The following ASAP2 variants were observed in gnomAD, a reference collection of about 807,000 sequenced individuals.
ASAP2 encodes arf-GAP with SH3 domain, ANK repeat and PH domain-containing protein 2.
Under a neutral mutation model 131.4 loss-of-function variants are expected in ASAP2, and 45 were observed. The observed-to-expected ratio is 0.34, with a 90% CI of 0.27 to 0.44. The LOEUF is 0.44. ASAP2 is among the 20% of genes least tolerant of loss of function. The pLI, the probability that ASAP2 is intolerant of heterozygous loss-of-function variation, is 1.00. For missense variants in ASAP2, 1,011 were observed against 1,297.0 expected (o/e 0.78, Z 3.39); for synonymous variants, 510 against 503.0 (o/e 1.01, Z -0.19).
At chr2:9,306,984 C>G (rs1668984179) in intron 3 of ASAP2, among the ~76,000 whole-genome samples, 1 of 152,140 alleles carries the variant, frequency 6.6e-6, no homozygotes, top group Non-Finnish European at 1.5e-5. Context: ...GTGTAGGAGC[C>G]CCAGGCAATA....
At chr2:9,391,740 ATT>A (rs33928425) in intron 23 of ASAP2, among the ~76,000 whole-genome samples, 34 of 128,456 alleles carry the variant, frequency 2.6e-4, no homozygotes, top group Admixed American at 7.6e-4. Flanking sequence ...ATGCTCAGCT[ATT>A]TTTTTTTTTT....
intron 24 of ASAP2, among the ~76,000 whole-genome samples, chr2:9,396,111 AG>A (rs1176762053): frequency 2.0e-5 from 3 of 152,062 alleles, no homozygotes; most frequent in African/African-American, 7.2e-5. Context: ...GCGAGATTCC[AG>A]GGGTTCAGGA....
At chr2:9,303,199 G>A (rs1447874315) in intron 3 of ASAP2, among the ~76,000 whole-genome samples, 3 of 152,198 alleles carry the variant, frequency 2.0e-5, no homozygotes, top group African/African-American at 7.2e-5. Flanking sequence ...TTAAGTCACT[G>A]TTTTAGACAT....
intron 1 of ASAP2, among the ~76,000 whole-genome samples, chr2:9,248,548 G>T (rs545145231): frequency 8.5e-4 from 129 of 152,054 alleles, no homozygotes; most frequent in Non-Finnish European, 1.4e-3. Context: ...TCAGCGTTTT[G>T]GGTCTCGGTT....
At chr2:9,242,329 T>G (rs1034663965) in intron 1 of ASAP2, among the ~76,000 whole-genome samples, 1 of 152,230 alleles carries the variant, frequency 6.6e-6, no homozygotes, top group East Asian at 1.9e-4. Context: ...GCCAGCACAC[T>G]GGTGGTGCTT....
At chr2:9,313,857 A>G (rs1048336694) in intron 3 of ASAP2, among the ~76,000 whole-genome samples, 1 of 152,196 alleles carries the variant, frequency 6.6e-6, no homozygotes, top group African/African-American at 2.4e-5. Context: ...ATGAGGAGCC[A>G]TTAGTATCTG....
chr2:9,213,354 A>G (rs1661742325), intron 1 of ASAP2, among the ~76,000 whole-genome samples: 1 of 152,088 alleles, frequency 6.6e-6, no homozygotes, highest in Admixed American at 6.5e-5. Context: ...AGGATGAGAG[A>G]CGGGCAGAGG....
intron 2 of ASAP2, among the ~76,000 whole-genome samples, chr2:9,291,799 A>G (rs10207470): frequency 0.99 from 151,130 of 152,216 alleles, 75,034 homozygotes; most frequent in East Asian, 1. Flanking sequence ...GGGTAGCCAT[A>G]AGGCTGGTGC....
intron 3 of ASAP2, among the ~76,000 whole-genome samples, chr2:9,299,222 A>G (rs1007050242): frequency 1.4e-4 from 21 of 152,114 alleles, no homozygotes; most frequent in African/African-American, 4.1e-4. Context: ...GAAAAGACCT[A>G]CCCTGAGGCA....
intron 24 of ASAP2, among the ~76,000 whole-genome samples, chr2:9,398,676 G>A (rs561567316): frequency 6.6e-6 from 1 of 152,108 alleles, no homozygotes; most frequent in African/African-American, 2.4e-5. Flanking sequence ...GTGCGTGGTG[G>A]TGCACACCTG....
intron 1 of ASAP2, among the ~76,000 whole-genome samples, chr2:9,216,678 C>T (rs1662073157): frequency 6.6e-6 from 1 of 151,966 alleles, no homozygotes; most frequent in Non-Finnish European, 1.5e-5. Flanking sequence ...GCAGGCTGGT[C>T]TCGAACTCCT....
chr2:9,380,770 A>G lies in ASAP2; in HGVS notation c.1978A>G (p.Ile660Val), dbSNP rs542556113. ...ANESGETPLD[I>V]AKRLKHEHCE... is the part of the protein sequence containing the mutation. ...CGAGTCAGGAGAGACTCCGCTGGAC[A>G]TTGCCAAGCGCCTCAAGCACGAGCA... Residue 660 changes from isoleucine (I) to valine (V), a missense_variant, in exon 20 of 28, where the codon ATT becomes GTT. Ile to Val is a conservative substitution (Grantham distance 29). Around this residue, in one of 2 missense-constraint regions of ASAP2, gnomAD observed 652 missense variants for 698.9 expected, o/e 0.93. Transcript: ENST00000281419. 90 of 1,614,162 alleles carry G rather than the reference A, an allele frequency of 5.6e-5. No homozygotes were observed. The South Asian group carries it at 8.9e-4, about 16-fold the overall frequency.
chr2:9,274,026 G>T lies in ASAP2; in HGVS notation c.127-5291G>T, dbSNP rs141143089. On this transcript the variant is annotated intron_variant, in intron 1 of 27. Transcript: ENST00000281419. ...CAGCCTAGGCCCAGGAATGAACAAG[G>T]ACAGCTTGGAGGTTAGAAACAGGAT... Among the ~76,000 whole-genome samples the T allele has an allele frequency of 2.0e-3, 300 of 152,334 alleles. 1 individual carries two copies. The highest frequency in any genetic ancestry group is 6.9e-3 in the African/African-American group (288 of 41,582).
intron 1 of ASAP2, among the ~76,000 whole-genome samples, chr2:9,226,778 C>T (rs1424426702): frequency 2.6e-5 from 4 of 152,180 alleles, no homozygotes; most frequent in Non-Finnish European, 5.9e-5. Context: ...ATCTAGCAAA[C>T]GGTGTGCTCT....
At chr2:9,285,276 T>G (rs1667394863) in intron 2 of ASAP2, among the ~76,000 whole-genome samples, 1 of 152,202 alleles carries the variant, frequency 6.6e-6, no homozygotes. Flanking sequence ...GGTTGGAGCC[T>G]GAGTATTTTA....
intron 2 of ASAP2, among the ~76,000 whole-genome samples, chr2:9,284,807 G>A (rs183911307): frequency 5.9e-5 from 9 of 152,262 alleles, no homozygotes; most frequent in African/African-American, 2.2e-4. Context: ...GTGTAGGAGG[G>A]GTGAACTTAC....
Position 9,376,936 on chromosome 2 carries a change from C to T in ASAP2, c.1775C>T (p.Ala592Val), listed in dbSNP as rs752797890. The T allele has an allele frequency of 5.0e-5, 81 of 1,614,060 alleles. No homozygotes were observed. The highest frequency in any genetic ancestry group is 6.3e-5 in the Non-Finnish European group (74 of 1,180,038). The change falls in exon 18 of 28, where the codon GCA becomes GTA. Residue 592 changes from alanine (A) to valine (V), a missense_variant. Physicochemically the swap from Ala to Val is moderately conservative, Grantham distance 64. Coordinates refer to ENST00000281419, the MANE Select transcript of ASAP2 (RefSeq NM_003887.3). ...CCGGATGAAACGGCCCTCCACCTTG[C>T]AGTCAGATCCGTGGATCGAACCTCT... is the stretch of plus-strand genomic sequence containing the variant. ...HEPDETALHL[A>V]VRSVDRTSLH...
At chr2:9,245,979 G>A (rs1225762693) in intron 1 of ASAP2, among the ~76,000 whole-genome samples, 2 of 152,220 alleles carry the variant, frequency 1.3e-5, no homozygotes, top group Non-Finnish European at 2.9e-5. Flanking sequence ...ACAAGCATAC[G>A]ATGGGGATGG....
chr2:9,332,615 CTCTG>C (rs1394746694), intron 7 of ASAP2, among the ~76,000 whole-genome samples: 1 of 152,214 alleles, frequency 6.6e-6, no homozygotes, highest in Non-Finnish European at 1.5e-5. Context: ...CACTCTCGCT[CTCTG>C]TCTGACCGTA....
Sources: allele counts gnomAD v4.1 joint callset (sites outside exome capture counted in the v4.1 genomes callset), GRCh38; gene constraint gnomAD v4.1.1; regional missense constraint gnomAD v4.1.1; transcripts MANE v1.5; gene names NCBI Gene and HGNC (gene_info 2026-07-23, HGNC 2026-07-21).